SCN10A: variants seen among roughly 807,000 people sequenced by gnomAD.
SCN10A encodes the protein sodium voltage-gated channel alpha subunit 10.
Under a neutral mutation model 170.7 loss-of-function variants are expected in SCN10A, and 162 were observed. That is an observed-to-expected ratio of 0.95 (90% CI 0.84 to 1.08). The LOEUF (loss-of-function observed/expected upper bound fraction) is 1.08, where lower values mean the gene tolerates loss of function less well. Among genes scored for constraint, SCN10A ranks in the 50% least tolerant of loss-of-function variants. SCN10A has a pLI of 0.00. For synonymous variants in SCN10A, 985 were observed against 904.6 expected, an observed-to-expected ratio of 1.09 and a Z score of -1.59; for missense variants, 2,527 against 2,436.9, an observed-to-expected ratio of 1.04 and a Z score of -0.78.
chr3:38,775,038 G>T (rs947200713), intron 4 of SCN10A, among the ~76,000 whole-genome samples: 2 of 151,994 alleles, frequency 1.3e-5, no homozygotes, highest in Non-Finnish European at 2.9e-5. Flanking sequence ...TTTCTTCAAT[G>T]GCAATTTAAC....
intron 1 of SCN10A, among the ~76,000 whole-genome samples, chr3:38,795,450 C>A (rs1288699100): frequency 6.7e-6 from 1 of 150,058 alleles, no homozygotes; most frequent in Non-Finnish European, 1.5e-5. Flanking sequence ...AAGCAATTCT[C>A]CCACCTCAGC....
Position 38,793,971 on chromosome 3 carries a change from G to C in SCN10A, c.40C>G (p.Arg14Gly). Residue 14 changes from arginine to glycine, a missense_variant, in exon 2 of 28, where the codon CGT (arginine) becomes GGT (glycine). Arg to Gly is a moderately radical substitution (Grantham distance 125). Coordinates refer to ENST00000449082, the MANE Select transcript of SCN10A (RefSeq NM_006514.4). ...ACCAGTGACTCCGGAGTAAAGCGAC[G>C]GAAGTTGTTAGTTTCGAGGGATCCA... ...PIGSLETNNF[R>G]RFTPESLVEI... 1.9e-6 allele frequency: 3 copies of C among 1,613,934 alleles called. No individual in the cohort carries two copies. Among genetic ancestry groups the C allele is most frequent in the Non-Finnish European group, 2.5e-6 (3 of 1,179,848 alleles).
In SCN10A at chr3:38,697,881, G is replaced by T; in HGVS notation, c.5339C>A (p.Pro1780His). 1 of 1,614,024 alleles carries T rather than the reference G, an allele frequency of 6.2e-7. No homozygotes were observed. Among genetic ancestry groups the T allele is most frequent in the Non-Finnish European group, 8.5e-7 (1 of 1,180,012 alleles). Residue 1780 changes from proline (P) to histidine (H), a missense_variant, in exon 28 of 28, where the codon CCC (proline) becomes CAC (histidine). By Grantham distance (77) the Pro-to-His change is moderately conservative. Coordinates refer to ENST00000449082, the MANE Select transcript of SCN10A (RefSeq NM_006514.4). ...TLSGPLRIPK[P>H]NRNILIQMDL... is the part of the protein sequence containing the mutation. ...CATCTGGATCAGTATATTTCGATTG[G>T]GTTTTGGGATTCTCAGGGGACCAGA...
chr3:38,770,019 T>C (rs1671803788), intron 5 of SCN10A, among the ~76,000 whole-genome samples: 1 of 152,244 alleles, frequency 6.6e-6, no homozygotes, highest in African/African-American at 2.4e-5. Context: ...TTTAGTGTGC[T>C]GGCTTTCTTG....
At chr3:38,775,282 T>C (rs985522911) in intron 4 of SCN10A, among the ~76,000 whole-genome samples, 3 of 152,138 alleles carry the variant, frequency 2.0e-5, no homozygotes, top group Non-Finnish European at 4.4e-5. Context: ...CTACTTTCTG[T>C]CTCCATGAAT....
chr3:38,706,142 GA>G (rs2063208891), intron 26 of SCN10A, among the ~76,000 whole-genome samples: 2 of 152,226 alleles, frequency 1.3e-5, no homozygotes, highest in South Asian at 4.1e-4. Flanking sequence ...ATAAATTCAT[GA>G]CCACTATTTC....
intron 15 of SCN10A, among the ~76,000 whole-genome samples, chr3:38,737,842 T>TTTCTCTTTC (rs2063586667): frequency 2.1e-5 from 3 of 145,678 alleles, no homozygotes; most frequent in Non-Finnish European, 3.0e-5. Context: ...CTCTTTCTTC[T>TTTCTCTTTC]TTCTTTCTTT....
At chr3:38,727,986 C>A (rs776924295) in intron 16 of SCN10A, among the ~76,000 whole-genome samples, 2 of 152,204 alleles carry the variant, frequency 1.3e-5, no homozygotes, top group Non-Finnish European at 2.9e-5. Context: ...CCCCTCCCTG[C>A]AGCCTCTCCC....
chr3:38,729,854 A>T (rs1379134056), intron 15 of SCN10A, among the ~76,000 whole-genome samples: 1 of 152,188 alleles, frequency 6.6e-6, no homozygotes, highest in Non-Finnish European at 1.5e-5. Flanking sequence ...TTTATCACCC[A>T]TATCCGTGAG....
At chr3:38,775,536 C>T (rs1463723675) in intron 4 of SCN10A, among the ~76,000 whole-genome samples, 1 of 152,174 alleles carries the variant, frequency 6.6e-6, no homozygotes, top group Non-Finnish European at 1.5e-5. Flanking sequence ...CATAAGCCAA[C>T]ATACCTTTTA....
At chr3:38,752,576 A>G (rs2063761367) in intron 11 of SCN10A, 64 bp from the exon 12 acceptor site, 2 of 1,363,426 alleles carry the variant, frequency 1.5e-6, no homozygotes, top group Non-Finnish European at 9.8e-7. Context: ...CTAGAGCCCA[A>G]CACTTCCCTC....
chr3:38,720,125 A>T (rs1020562766), intron 20 of SCN10A, among the ~76,000 whole-genome samples: 4 of 152,132 alleles, frequency 2.6e-5, no homozygotes, highest in African/African-American at 7.2e-5. Context: ...TTTCAACTGA[A>T]CCCACATCTT....
chr3:38,734,311 C>T (rs1277056804), intron 15 of SCN10A, among the ~76,000 whole-genome samples: 2 of 152,154 alleles, frequency 1.3e-5, no homozygotes, highest in Non-Finnish European at 2.9e-5. Context: ...CGTGAGCCAC[C>T]CCACCTGGCC....
chr3:38,701,765 C>T, intron 27 of SCN10A, 74 bp downstream of exon 27: 2 of 1,425,824 alleles, frequency 1.4e-6, no homozygotes, highest in South Asian at 2.9e-5. Flanking sequence ...TGGTTATTTC[C>T]TTGGTTTTAG....
At chr3:38,801,746 T>A (rs901363686) in intron 1 of SCN10A, among the ~76,000 whole-genome samples, 1 of 152,210 alleles carries the variant, frequency 6.6e-6, no homozygotes, top group Non-Finnish European at 1.5e-5. Flanking sequence ...GATAAACAGG[T>A]AATTATAGTT....
intron 1 of SCN10A, among the ~76,000 whole-genome samples, chr3:38,802,532 T>A (rs1005351255): frequency 1.5e-4 from 23 of 152,116 alleles, no homozygotes; most frequent in African/African-American, 2.4e-5. Context: ...TAAAACTTTT[T>A]AATTACCCAT....
chr3:38,730,889 T>C (rs982548044), intron 15 of SCN10A, among the ~76,000 whole-genome samples: 2 of 152,048 alleles, frequency 1.3e-5, no homozygotes, highest in Non-Finnish European at 2.9e-5. Flanking sequence ...ATGAGAGAGT[T>C]TAACATCTAT....
chr3:38,730,551 C>T (rs1215813055), intron 15 of SCN10A, among the ~76,000 whole-genome samples: 1 of 152,012 alleles, frequency 6.6e-6, no homozygotes, highest in Non-Finnish European at 1.5e-5. Context: ...ATAGTCATTC[C>T]ATTTCTTCAG....
intron 15 of SCN10A, among the ~76,000 whole-genome samples, chr3:38,735,752 C>T (rs567959669): frequency 2.6e-5 from 4 of 152,268 alleles, no homozygotes; most frequent in South Asian, 2.1e-4. Flanking sequence ...CTTTAAGTGA[C>T]GGGAGGAGAA....
Sources: allele counts gnomAD v4.1 joint callset (sites outside exome capture counted in the v4.1 genomes callset), GRCh38; gene constraint gnomAD v4.1.1; transcripts MANE v1.5; gene names NCBI Gene and HGNC (gene_info 2026-07-23, HGNC 2026-07-21).